The following LMX1A variants were observed in gnomAD, a reference collection of about 807,000 sequenced individuals.
LMX1A encodes the protein LIM homeobox transcription factor 1 alpha.
A neutral mutation model predicts 49.1 loss-of-function variants in LMX1A; 15 were observed. The observed-to-expected ratio is 0.31, with a 90% CI of 0.20 to 0.47. LMX1A has a LOEUF of 0.47. LMX1A is among the 20% of genes least tolerant of loss of function. LMX1A has a pLI of 1.00. For missense variants in LMX1A, 372 were observed against 475.8 expected, an observed-to-expected ratio of 0.78 and a Z score of 2.03; for synonymous variants, 167 against 185.7, an observed-to-expected ratio of 0.90 and a Z score of 0.82.
intron 4 of LMX1A, among the ~76,000 whole-genome samples, chr1:165,223,485 TAGG>T (rs543642698): frequency 2.2e-4 from 33 of 152,232 alleles, no homozygotes; most frequent in Admixed American, 2.0e-3. Flanking sequence ...CTACCTCTAG[TAGG>T]AGAAGATGGT....
chr1:165,267,588 CTTG>C (rs955262698), intron 3 of LMX1A, among the ~76,000 whole-genome samples: 2 of 152,076 alleles, frequency 1.3e-5, no homozygotes, highest in Non-Finnish European at 2.9e-5. Context: ...TTGAGAGATA[CTTG>C]TGGGGAGGAT....
At chr1:165,210,311 C>G (rs975218978) in intron 6 of LMX1A, among the ~76,000 whole-genome samples, 3 of 152,172 alleles carry the variant, frequency 2.0e-5, no homozygotes, top group African/African-American at 7.2e-5. Context: ...GGCACTCATT[C>G]TACCCTGTCA....
rs566442201 is a variant in LMX1A at position 165,205,978 on chromosome 1, C to T, written c.874G>A (p.Ala292Thr). The T allele has an allele frequency of 7.4e-6, 12 of 1,611,682 alleles. No individual in the cohort carries two copies. In the South Asian group the frequency reaches 1.2e-4, roughly 16 times the overall value. Residue 292 changes from alanine to threonine, a missense_variant, in exon 8 of 9, where the codon GCT becomes ACT. Physicochemically the swap from Ala to Thr is moderately conservative, Grantham distance 58. Coordinates refer to ENST00000342310, the MANE Select transcript of LMX1A (RefSeq NM_177398.4). ...GMEGIMNPYT[A>T]LPTPQQLLAI... ...AGGAGCTGCTGTGGGGTGGGCAGAG[C>T]CGTGTAGGGGTTCATGATTCCTTCC...
In LMX1A at chr1:165,252,480, G is replaced by C. The variant is rs148144733; in HGVS notation, c.264-2840C>G. 2.1e-3 allele frequency among the ~76,000 whole-genome samples: 321 copies of C among 152,252 alleles called. 1 individual carries two copies. Among genetic ancestry groups the C allele is most frequent in the Middle Eastern group, 0.017 (5 of 292 alleles). On this transcript the variant is annotated intron_variant, in intron 3 of 8. Coordinates refer to ENST00000342310, the MANE Select transcript of LMX1A (RefSeq NM_177398.4). ...GTCACAACTTTGGCATAAGCACAGA[G>C]ACAATATACCCTAAGAATATCTCTG...
At chr1:165,336,807 G>A (rs1655911865) in intron 3 of LMX1A, among the ~76,000 whole-genome samples, 2 of 152,248 alleles carry the variant, frequency 1.3e-5, no homozygotes, top group Middle Eastern at 3.4e-3. Flanking sequence ...ACTTGTGAGC[G>A]AAACAATAAT....
intron 3 of LMX1A, among the ~76,000 whole-genome samples, chr1:165,277,225 G>A (rs575119246): frequency 4.4e-4 from 67 of 152,300 alleles, no homozygotes; most frequent in African/African-American, 1.5e-3. Flanking sequence ...AATGCAGGGC[G>A]AGCCAGAGTA....
chr1:165,230,450 TTC>T (rs1433808246), intron 4 of LMX1A, among the ~76,000 whole-genome samples: 6 of 152,190 alleles, frequency 3.9e-5, no homozygotes, highest in African/African-American at 1.4e-4. Flanking sequence ...TGTCTTAATA[TTC>T]TCTGATGAAC....
intron 3 of LMX1A, among the ~76,000 whole-genome samples, chr1:165,304,022 C>T (rs1284592257): frequency 6.6e-6 from 1 of 152,112 alleles, no homozygotes; most frequent in East Asian, 1.9e-4. Flanking sequence ...GAAAGGGTCA[C>T]GGTGGTCACT....
intron 3 of LMX1A, among the ~76,000 whole-genome samples, chr1:165,263,129 C>T (rs528651217): frequency 6.6e-5 from 10 of 152,298 alleles, no homozygotes; most frequent in African/African-American, 1.9e-4. Flanking sequence ...TATCTATGCT[C>T]GCTCCCCTTA....
chr1:165,284,572 G>A (rs976151136), intron 3 of LMX1A, among the ~76,000 whole-genome samples: 33 of 152,184 alleles, frequency 2.2e-4, no homozygotes, highest in Non-Finnish European at 4.4e-5. Flanking sequence ...GACCCCCTCC[G>A]CTGGGAACAA....
intron 3 of LMX1A, among the ~76,000 whole-genome samples, chr1:165,306,473 C>A (rs1654923227): frequency 6.6e-6 from 1 of 152,104 alleles, no homozygotes; most frequent in Admixed American, 6.5e-5. Context: ...TCCAGGTGAC[C>A]CATAGTCTGA....
intron 3 of LMX1A, among the ~76,000 whole-genome samples, chr1:165,315,028 ATACC>A (rs1655179602): frequency 6.6e-6 from 1 of 152,148 alleles, no homozygotes; most frequent in African/African-American, 2.4e-5. Flanking sequence ...GACTGATCAG[ATACC>A]TATACAAGAC....
intron 3 of LMX1A, among the ~76,000 whole-genome samples, chr1:165,282,225 C>A (rs1306398808): frequency 6.6e-6 from 1 of 152,196 alleles, no homozygotes; most frequent in African/African-American, 2.4e-5. Context: ...CTTCTAAATT[C>A]CAAACTCATG....
chr1:165,319,430 C>T (rs540270561), intron 3 of LMX1A, among the ~76,000 whole-genome samples: 1 of 152,004 alleles, frequency 6.6e-6, no homozygotes, highest in Non-Finnish European at 1.5e-5. Context: ...AGAAATCGAA[C>T]CTTTAAAAAT....
intron 3 of LMX1A, among the ~76,000 whole-genome samples, chr1:165,341,162 T>C (rs6666715): frequency 0.9 from 136,221 of 152,168 alleles, 61,215 homozygotes; most frequent in Middle Eastern, 0.95. Flanking sequence ...ATGTTCTTTG[T>C]ATGTTACACA....
rs192682485 is a variant in LMX1A at position 165,254,983 on chromosome 1, G to A, written c.264-5343C>T. Among the ~76,000 whole-genome samples the A allele has an allele frequency of 4.9e-3, 743 of 152,246 alleles. 5 individuals carry two copies. The highest frequency in any genetic ancestry group is 8.9e-3 in the Non-Finnish European group (602 of 68,014). On this transcript the variant is annotated intron_variant, in intron 3 of 8. Transcript: ENST00000342310. ...TGGGAATAATAGTATCTACCTCCTG[G>A]AAAAGCATCCATGGCAGTACTAGTT... is the stretch of plus-strand genomic sequence containing the variant.
chr1:165,287,365 G>C (rs979653043), intron 3 of LMX1A, among the ~76,000 whole-genome samples: 3 of 152,078 alleles, frequency 2.0e-5, no homozygotes, highest in African/African-American at 7.2e-5. Context: ...ATTGGAGCTC[G>C]GACTACACCT....
At chr1:165,261,046 C>T (rs1022496464) in intron 3 of LMX1A, among the ~76,000 whole-genome samples, 1 of 152,128 alleles carries the variant, frequency 6.6e-6, no homozygotes, top group African/African-American at 2.4e-5. Flanking sequence ...GAATGTGGCA[C>T]ATTATACACA....
At chr1:165,258,886 G>A (rs1653337877) in intron 3 of LMX1A, among the ~76,000 whole-genome samples, 1 of 152,128 alleles carries the variant, frequency 6.6e-6, no homozygotes, top group African/African-American at 2.4e-5. Flanking sequence ...AAGAACTTGA[G>A]CAAGTTACAA....
Sources: gnomAD v4.1 joint callset for allele counts (sites outside exome capture counted in the v4.1 genomes callset) on GRCh38, gnomAD v4.1.1 for gene constraint, MANE v1.5 for transcripts, NCBI Gene and HGNC (gene_info 2026-07-23, HGNC 2026-07-21) for gene names.